SLIT3: variants seen among roughly 807,000 people sequenced by gnomAD.
SLIT3 encodes the protein slit homolog 3 protein.
Under a neutral mutation model 184.0 loss-of-function variants are expected in SLIT3, and 68 were observed. The observed-to-expected ratio is 0.37, with a 90% CI of 0.30 to 0.45. The LOEUF (loss-of-function observed/expected upper bound fraction) is 0.45. Ranked by LOEUF, SLIT3 falls within the 20% of genes least tolerant of loss-of-function variation. The pLI, the probability that SLIT3 is intolerant of heterozygous loss-of-function variation, is 1.00. For synonymous variants in SLIT3, 831 were observed against 828.6 expected, an observed-to-expected ratio of 1.00 and a Z score of -0.05; for missense variants, 1,707 against 2,026.0, an observed-to-expected ratio of 0.84 and a Z score of 3.02.
chr5:168,732,306 T>C (rs1314862728), intron 20 of SLIT3, among the ~76,000 whole-genome samples: 4 of 151,974 alleles, frequency 2.6e-5, no homozygotes, highest in South Asian at 4.1e-4. Context: ...ATGGAAGAAA[T>C]TGTAGACAAC....
chr5:169,062,914 G>C (rs1758226253), intron 4 of SLIT3, among the ~76,000 whole-genome samples: 1 of 152,212 alleles, frequency 6.6e-6, no homozygotes, highest in Admixed American at 6.5e-5. Flanking sequence ...AAGGTGAACA[G>C]CACCAGCAAG....
At chr5:169,295,964 T>C (rs936046558) in intron 1 of SLIT3, among the ~76,000 whole-genome samples, 5 of 152,240 alleles carry the variant, frequency 3.3e-5, no homozygotes, top group African/African-American at 1.2e-4. Context: ...CATGGGCATG[T>C]GCACAGTAGG....
intron 4 of SLIT3, among the ~76,000 whole-genome samples, chr5:168,984,809 A>C (rs1755070376): frequency 6.6e-6 from 1 of 152,188 alleles, no homozygotes; most frequent in African/African-American, 2.4e-5. Flanking sequence ...AAAACATCCC[A>C]AACTTTAGTG....
In SLIT3 at chr5:169,056,596, T is replaced by TA. The variant is rs75041666; in HGVS notation, c.413+136882dup. On this transcript the variant is annotated intron_variant, in intron 4 of 35. Transcript: ENST00000519560. Reference sequence around the variant, plus strand: ...CAGACATTCATAGCTGGCGATCTCTTAAAAAAAAAAAAAGATTAAATGAAG... The same window carrying TA: ...CAGACATTCATAGCTGGCGATCTCTTAAAAAAAAAAAAAAGATTAAATGAAG... Among the ~76,000 whole-genome samples, 275 of 145,708 alleles carry TA rather than the reference T, an allele frequency of 1.9e-3. 3 individuals are homozygous for TA. The highest frequency in any genetic ancestry group is 0.016 in the South Asian group (73 of 4,520).
intron 3 of SLIT3, among the ~76,000 whole-genome samples, chr5:169,208,430 C>G (rs1764147756): frequency 6.6e-6 from 1 of 152,096 alleles, no homozygotes; most frequent in Non-Finnish European, 1.5e-5. Context: ...TGGGAGTTCA[C>G]TACTTTAAAT....
intron 3 of SLIT3, among the ~76,000 whole-genome samples, chr5:169,235,529 C>T (rs1765164653): frequency 6.6e-6 from 1 of 152,106 alleles, no homozygotes; most frequent in Non-Finnish European, 1.5e-5. Flanking sequence ...TGAAGCAATC[C>T]TGTTGCATTT....
chr5:168,991,710 C>T (rs1297305345), intron 4 of SLIT3, among the ~76,000 whole-genome samples: 1 of 152,222 alleles, frequency 6.6e-6, no homozygotes, highest in Non-Finnish European at 1.5e-5. Flanking sequence ...TTCTGGCTGG[C>T]AATTGTTTTC....
At chr5:169,180,600 G>A (rs1289229233) in intron 4 of SLIT3, among the ~76,000 whole-genome samples, 2 of 152,170 alleles carry the variant, frequency 1.3e-5, no homozygotes, top group Non-Finnish European at 2.9e-5. Context: ...TGAAGACAGA[G>A]ATGGCAAATT....
intron 5 of SLIT3, among the ~76,000 whole-genome samples, chr5:168,849,345 C>G (rs114014759): frequency 3.2e-4 from 48 of 152,348 alleles, no homozygotes; most frequent in Admixed American, 7.8e-4. Context: ...GCGTTCTGCT[C>G]TGAGCTTCTG....
At chr5:168,802,282 C>T (rs942549762) in intron 9 of SLIT3, among the ~76,000 whole-genome samples, 11 of 116,206 alleles carry the variant, frequency 9.5e-5, no homozygotes, top group African/African-American at 2.6e-4. Flanking sequence ...GCTGACCTCT[C>T]ACATGGTAGA....
intron 6 of SLIT3, among the ~76,000 whole-genome samples, chr5:168,833,505 G>A (rs1355111734): frequency 1.3e-5 from 2 of 152,138 alleles, no homozygotes; most frequent in Non-Finnish European, 2.9e-5. Context: ...CATCTGACTG[G>A]ACAATCTATT....
At chr5:169,205,868 C>T (rs1764050795) in intron 3 of SLIT3, among the ~76,000 whole-genome samples, 1 of 152,190 alleles carries the variant, frequency 6.6e-6, no homozygotes, top group African/African-American at 2.4e-5. Flanking sequence ...TTGACCCATA[C>T]TGCTTGAAAG....
At chr5:169,003,173 T>C (rs2113428238) in intron 4 of SLIT3, among the ~76,000 whole-genome samples, 1 of 152,380 alleles carries the variant, frequency 6.6e-6, no homozygotes, top group East Asian at 1.9e-4. Flanking sequence ...TAGTCCTTTT[T>C]TCCTAGAATA....
intron 29 of SLIT3, among the ~76,000 whole-genome samples, chr5:168,688,245 G>T (rs892533035): frequency 2.0e-5 from 3 of 152,212 alleles, no homozygotes; most frequent in Non-Finnish European, 4.4e-5. Flanking sequence ...ATTCTAGTGG[G>T]CAGGTAAAAA....
At chr5:169,142,152 G>A (rs1946194) in intron 4 of SLIT3, among the ~76,000 whole-genome samples, 29,468 of 151,568 alleles carry the variant, frequency 0.19, 2,917 homozygotes, top group South Asian at 0.29. Flanking sequence ...ATAATTCCAC[G>A]GTGATTTCCC....
At position 168,811,792 on chromosome 5, in the gene SLIT3, G is replaced by A. The variant is rs993357518; in HGVS notation, c.794-5205C>T. The stretch of plus-strand genomic sequence containing the variant: ...GAATGTCAATTAGTACAGCTACAAC[G>A]GAAAACAGTATGGAGGTTCCTCATA... On this transcript the variant is annotated intron_variant, in intron 8 of 35. Coordinates refer to ENST00000519560, the MANE Select transcript of SLIT3 (RefSeq NM_003062.4). 2.6e-4 allele frequency among the ~76,000 whole-genome samples: 39 copies of A among 152,208 alleles called. No individual in the cohort carries two copies. In the East Asian group the frequency reaches 3.1e-3, roughly 12 times the overall value.
intron 4 of SLIT3, among the ~76,000 whole-genome samples, chr5:168,917,511 A>G (rs188652448): frequency 7.4e-4 from 112 of 152,314 alleles, no homozygotes; most frequent in African/African-American, 2.6e-3. Context: ...AGTACTCCAA[A>G]CAAGACACAT....
intron 4 of SLIT3, among the ~76,000 whole-genome samples, chr5:169,050,622 C>A (rs983593591): frequency 6.6e-6 from 1 of 152,092 alleles, no homozygotes; most frequent in African/African-American, 2.4e-5. Flanking sequence ...AAATAAAATG[C>A]CAATTAATGT....
intron 29 of SLIT3, among the ~76,000 whole-genome samples, chr5:168,690,141 T>C (rs1356337774): frequency 4.0e-5 from 6 of 149,478 alleles, no homozygotes; most frequent in African/African-American, 7.3e-5. Context: ...TTTCTTTCTT[T>C]TTTTTTTTTT....
Sources: gnomAD v4.1 joint callset for allele counts (sites outside exome capture counted in the v4.1 genomes callset) on GRCh38, gnomAD v4.1.1 for gene constraint, MANE v1.5 for transcripts, NCBI Gene and HGNC (gene_info 2026-07-23, HGNC 2026-07-21) for gene names.